The following MYLK variants were observed in gnomAD, a reference collection of about 807,000 sequenced individuals.
MYLK encodes myosin light chain kinase, smooth muscle.
MYLK carries 106 observed loss-of-function variants against 203.4 expected under a neutral mutation model. The ratio of observed to expected loss-of-function variants is 0.52; its 90% CI spans 0.45 to 0.61. The LOEUF (loss-of-function observed/expected upper bound fraction) is 0.61. Among genes scored for constraint, MYLK ranks in the 20% least tolerant of loss-of-function variants. The pLI is 0.00. For missense variants in MYLK, 2,072 were observed against 2,442.3 expected (o/e 0.85, Z 3.20); for synonymous variants, 867 against 959.5 (o/e 0.90, Z 1.78).
At chr3:123,618,547 C>T in intron 33 of MYLK, 92 bp downstream of exon 33, 2 of 1,569,206 alleles carry the variant, frequency 1.3e-6, no homozygotes, top group Non-Finnish European at 1.7e-6. Flanking sequence ...CCCAGCTGCA[C>T]AGAACTGACT....
chr3:123,688,155 A>G (rs1241164976), intron 19 of MYLK, among the ~76,000 whole-genome samples: 2 of 151,152 alleles, frequency 1.3e-5, no homozygotes, highest in African/African-American at 4.9e-5. Context: ...CTCTCCAGGG[A>G]CCTCATTCAA....
In MYLK at chr3:123,640,393, G is replaced by C. The variant is rs1399378417; in HGVS notation, c.4731C>G (p.His1577Gln). ...GGTCCAGGTGCACGATGCCCTGCTT[G>C]TGGATGTACTCCACTCCCTCCGAGA... is the stretch of plus-strand genomic sequence containing the variant. ...RQISEGVEYI[H>Q]KQGIVHLDLK... The change falls in exon 28 of 34, where the codon CAC becomes CAG. Residue 1577 changes from histidine (H) to glutamine (Q), a missense_variant. This residue lies in a region of MYLK where 524 missense variants were observed against 782.4 expected (regional missense o/e 0.67). Transcript: ENST00000360304. The surrounding 1 kb of genome is among the most constrained non-coding windows in gnomAD (Gnocchi z 4.3). 2 of 1,613,876 alleles carry C rather than the reference G, an allele frequency of 1.2e-6. No individual in the cohort carries two copies. Among genetic ancestry groups the C allele is most frequent in the Non-Finnish European group, 1.7e-6 (2 of 1,179,986 alleles).
At chr3:123,863,368 C>CA (rs35039876) in intron 2 of MYLK, among the ~76,000 whole-genome samples, 1,810 of 29,270 alleles carry the variant, frequency 0.062, 42 homozygotes, top group African/African-American at 0.13. Flanking sequence ...ATAGCCTTGC[C>CA]AAAAAAAAAA....
intron 11 of MYLK, among the ~76,000 whole-genome samples, chr3:123,728,705 A>G (rs2062379734): frequency 6.6e-6 from 1 of 152,162 alleles, no homozygotes; most frequent in Non-Finnish European, 1.5e-5. Context: ...CTGAAAACCG[A>G]CAGTACCTAT....
intron 12 of MYLK, among the ~76,000 whole-genome samples, chr3:123,723,152 T>A (rs2062154552): frequency 6.6e-6 from 1 of 151,290 alleles, no homozygotes; most frequent in Non-Finnish European, 1.5e-5. Flanking sequence ...TGTCAGTTTC[T>A]TCCCTTGCCA....
chr3:123,841,357 A>C (rs918565418), intron 2 of MYLK, among the ~76,000 whole-genome samples: 6 of 152,172 alleles, frequency 3.9e-5, no homozygotes, highest in Admixed American at 1.3e-4. Flanking sequence ...TATGAGATTA[A>C]TCTATATTTT....
chr3:123,794,706 G>A (rs1275644638), intron 3 of MYLK, among the ~76,000 whole-genome samples: 4 of 152,244 alleles, frequency 2.6e-5, no homozygotes, highest in South Asian at 2.1e-4. Flanking sequence ...AGTAACAGAC[G>A]ACTACTCATT....
At chr3:123,823,146 T>G (rs142516029) in intron 3 of MYLK, among the ~76,000 whole-genome samples, 101 of 152,320 alleles carry the variant, frequency 6.6e-4, no homozygotes, top group African/African-American at 2.3e-3. Context: ...CCTTGGTTTC[T>G]GGAATGCCAT....
At chr3:123,660,769 A>T (rs2059536099) in intron 23 of MYLK, among the ~76,000 whole-genome samples, 1 of 152,242 alleles carries the variant, frequency 6.6e-6, no homozygotes, top group Non-Finnish European at 1.5e-5. Context: ...AAATGCATGA[A>T]AACTGTCCGG....
chr3:123,776,181 G>T (rs541834296), intron 4 of MYLK, among the ~76,000 whole-genome samples: 14 of 152,320 alleles, frequency 9.2e-5, no homozygotes, highest in African/African-American at 3.4e-4. Context: ...TCTACTGAAG[G>T]ATTCTTGGTT....
At chr3:123,709,016 TC>T in intron 14 of MYLK, 121 bp from the exon 15 acceptor site, 1 of 799,774 alleles carries the variant, frequency 1.3e-6, no homozygotes, top group Non-Finnish European at 2.0e-6. Context: ...TGCTTTCACT[TC>T]CCCATCAGTA....
chr3:123,685,612 GAA>G (rs59215456), intron 19 of MYLK, among the ~76,000 whole-genome samples: 91,760 of 112,664 alleles, frequency 0.81, 38,289 homozygotes, highest in Non-Finnish European at 0.92. Context: ...TCCAAAAAAT[GAA>G]AAAAAAAAAA....
At chr3:123,697,888 G>A (rs1379548980) in intron 18 of MYLK, among the ~76,000 whole-genome samples, 2 of 152,114 alleles carry the variant, frequency 1.3e-5, no homozygotes, top group Non-Finnish European at 2.9e-5. Context: ...GATCTGAACT[G>A]TTCCCTCTGG....
chr3:123,636,111 G>T (rs1235051802), intron 29 of MYLK, among the ~76,000 whole-genome samples: 1 of 152,196 alleles, frequency 6.6e-6, no homozygotes, highest in Non-Finnish European at 1.5e-5. Context: ...TCCGGGTAGA[G>T]GTTACACAGG....
intron 30 of MYLK, among the ~76,000 whole-genome samples, chr3:123,627,416 G>A (rs1368254964): frequency 1.3e-5 from 2 of 152,208 alleles, no homozygotes; most frequent in Admixed American, 1.3e-4. Context: ...GTCTTACGGT[G>A]TTGTTGAATA....
chr3:123,794,074 G>A (rs2064895108), intron 3 of MYLK, among the ~76,000 whole-genome samples: 1 of 152,228 alleles, frequency 6.6e-6, no homozygotes, highest in African/African-American at 2.4e-5. Flanking sequence ...CCGGTTCCCA[G>A]GGCGATGCCC....
intron 20 of MYLK, among the ~76,000 whole-genome samples, chr3:123,679,716 T>C (rs1191091711): frequency 6.6e-6 from 1 of 152,208 alleles, no homozygotes. Flanking sequence ...GTGTGTTTTC[T>C]GTAAAGATGA....
chr3:123,829,273 G>T (rs1032499410), intron 3 of MYLK, among the ~76,000 whole-genome samples: 10 of 152,102 alleles, frequency 6.6e-5, no homozygotes, highest in African/African-American at 2.4e-4. Flanking sequence ...AAAAAAGAAT[G>T]AATCCTGCCA....
intron 2 of MYLK, among the ~76,000 whole-genome samples, chr3:123,851,918 A>T (rs371095576): frequency 1.4e-4 from 21 of 152,246 alleles, no homozygotes; most frequent in African/African-American, 4.8e-4. Flanking sequence ...AGATACATCC[A>T]ATCAATACCT....
Sources: gnomAD v4.1 joint callset for allele counts (sites outside exome capture counted in the v4.1 genomes callset) on GRCh38, gnomAD v4.1.1 for gene constraint, gnomAD v4.1.1 regional missense constraint, Gnocchi (gnomAD v3.1) non-coding constraint, MANE v1.5 for transcripts, NCBI Gene and HGNC (gene_info 2026-07-23, HGNC 2026-07-21) for gene names.